Variants in L2HGDH observed in about 807,000 individuals in gnomAD.
L2HGDH encodes L-2-hydroxyglutarate dehydrogenase.
Under a neutral mutation model 51.5 loss-of-function variants are expected in L2HGDH, and 34 were observed. The observed-to-expected ratio is 0.66, with a 90% CI of 0.50 to 0.88. The LOEUF (loss-of-function observed/expected upper bound fraction) is 0.88. Ranked by LOEUF, L2HGDH falls within the 40% of genes least tolerant of loss-of-function variation. L2HGDH has a pLI of 0.00. For synonymous variants in L2HGDH, 198 were observed against 197.9 expected, an observed-to-expected ratio of 1.00 and a Z score of -0.01; for missense variants, 558 against 571.9, an observed-to-expected ratio of 0.98 and a Z score of 0.25.
intron 4 of L2HGDH, among the ~76,000 whole-genome samples, 183 bp downstream of exon 4, chr14:50,293,932 C>G (rs2029887590): frequency 6.6e-6 from 1 of 152,158 alleles, no homozygotes; most frequent in Non-Finnish European, 1.5e-5. Flanking sequence ...TATTTTCTCA[C>G]AGAGAAAGAA....
chr14:50,269,659 C>A (rs1044047279), intron 6 of L2HGDH, among the ~76,000 whole-genome samples: 1 of 152,132 alleles, frequency 6.6e-6, no homozygotes, highest in Non-Finnish European at 1.5e-5. Flanking sequence ...TAGGACCTAG[C>A]AGGGAGCTTC....
intron 9 of L2HGDH, 137 bp downstream of exon 9, chr14:50,265,221 G>T: frequency 1.4e-6 from 1 of 697,238 alleles, no homozygotes; most frequent in Non-Finnish European, 2.5e-6. Context: ...ACAACATGTT[G>T]GGAAAGAAAG....
At chr14:50,278,830 T>G (rs533242801) in intron 5 of L2HGDH, among the ~76,000 whole-genome samples, 1 of 152,340 alleles carries the variant, frequency 6.6e-6, no homozygotes, top group Non-Finnish European at 1.5e-5. Flanking sequence ...AGCTATTCTC[T>G]GAACTATAAT....
intron 8 of L2HGDH, among the ~76,000 whole-genome samples, chr14:50,266,973 C>A (rs1241802217): frequency 6.6e-6 from 1 of 152,000 alleles, no homozygotes; most frequent in African/African-American, 2.4e-5. Context: ...AGTAATTTCT[C>A]CAGTGGCTTA....
intron 5 of L2HGDH, 60 bp from the exon 6 acceptor site, chr14:50,278,614 T>C: frequency 5.7e-6 from 5 of 880,210 alleles, no homozygotes; most frequent in Non-Finnish European, 9.2e-6. Context: ...TTATTTGAAA[T>C]ATCATACTAG....
intron 1 of L2HGDH, 119 bp downstream of exon 1, chr14:50,311,892 G>A: frequency 1.4e-6 from 2 of 1,382,652 alleles, no homozygotes; most frequent in Non-Finnish European, 2.0e-6. Flanking sequence ...GAGTGCCACA[G>A]GACCCCAACC....
chr14:50,245,346 C>G lies in L2HGDH; in HGVS notation c.*1712G>C. The G allele has an allele frequency of 1.0e-6, 1 of 985,338 alleles. No homozygotes were observed. Among genetic ancestry groups the G allele is most frequent in the Non-Finnish European group, 1.2e-6 (1 of 829,900 alleles). The allele number at this position is 985,338 out of a possible 1,614,324, so 61.0% of individuals were successfully genotyped here. On this transcript the variant is annotated 3_prime_UTR_variant, in exon 10 of 10. Transcript: ENST00000267436. ...TAAAACTGCTCTCATAAAAATCTGT[C>G]TCTTCTAAGTTATTTCAGTTCTCAG...
intron 5 of L2HGDH, among the ~76,000 whole-genome samples, chr14:50,279,395 G>A (rs1038703098): frequency 6.6e-6 from 1 of 152,148 alleles, no homozygotes; most frequent in Non-Finnish European, 1.5e-5. Flanking sequence ...TGGGCATGAG[G>A]TGGGGGGAGT....
intron 5 of L2HGDH, among the ~76,000 whole-genome samples, chr14:50,279,173 C>G (rs144484384): frequency 6.6e-6 from 1 of 152,176 alleles, no homozygotes; most frequent in East Asian, 1.9e-4. Flanking sequence ...TTTTGCTCAT[C>G]ATCTTAGAAT....
intron 1 of L2HGDH, among the ~76,000 whole-genome samples, chr14:50,309,245 T>A (rs2030910504): frequency 6.6e-6 from 1 of 152,166 alleles, no homozygotes; most frequent in African/African-American, 2.4e-5. Flanking sequence ...TTTCTAAAAG[T>A]TTTATACTGA....
At position 50,302,196 on chromosome 14, in the gene L2HGDH, G is replaced by T. The variant is rs372819315; in HGVS notation, c.257-28C>A. 1.9e-6 allele frequency: 3 copies of T among 1,610,550 alleles called. No homozygotes were observed. The African/African-American group carries it at 4.0e-5, about 22-fold the overall frequency. On this transcript the variant is annotated intron_variant, in intron 2 of 9. Transcript: ENST00000267436. Reference sequence around the variant, plus strand: ...ACAGAACAAGAGAAACAGGGTAAGAGTAAGTACATGATTCATACAAAACAT... The same window carrying T: ...ACAGAACAAGAGAAACAGGGTAAGATTAAGTACATGATTCATACAAAACAT...
intron 7 of L2HGDH, among the ~76,000 whole-genome samples, chr14:50,268,932 G>C (rs906379689): frequency 2.0e-5 from 3 of 152,078 alleles, no homozygotes; most frequent in African/African-American, 7.2e-5. Flanking sequence ...TTCCCAGAGT[G>C]CACTCATGCT....
chr14:50,278,478 A>AG, intron 6 of L2HGDH, 42 bp downstream of exon 6: 1 of 1,296,426 alleles, frequency 7.7e-7, no homozygotes, highest in Non-Finnish European at 1.1e-6. Context: ...AATAAAGGGG[A>AG]GGGAAAGAAA....
rs1007522369 is a variant in L2HGDH at position 50,245,651 on chromosome 14, T to C, written c.*1407A>G. Reference sequence around the variant, plus strand: ...TTGTGACTCTTCAAAATTAAAAGAATGTAACCTACAATATAATGTATTTTC... The same window carrying C: ...TTGTGACTCTTCAAAATTAAAAGAACGTAACCTACAATATAATGTATTTTC... On this transcript the variant is annotated 3_prime_UTR_variant, in exon 10 of 10. Coordinates refer to ENST00000267436, the MANE Select transcript of L2HGDH (RefSeq NM_024884.3). 13 of 982,216 alleles carry C rather than the reference T, an allele frequency of 1.3e-5. No homozygotes were observed. Among genetic ancestry groups the C allele is most frequent in the Middle Eastern group, 5.2e-4 (1 of 1,932 alleles). The allele number at this position is 982,216 out of a possible 1,614,324, so 60.8% of individuals were successfully genotyped here.
intron 1 of L2HGDH, among the ~76,000 whole-genome samples, chr14:50,304,271 T>C (rs566171316): frequency 6.6e-6 from 1 of 152,356 alleles, no homozygotes; most frequent in Non-Finnish European, 1.5e-5. Context: ...CAGTCTGTGG[T>C]TGACCAAAAT....
chr14:50,247,917 T>A (rs182406902), intron 9 of L2HGDH, among the ~76,000 whole-genome samples: 1 of 151,988 alleles, frequency 6.6e-6, no homozygotes, highest in Admixed American at 6.5e-5. Context: ...ATTGAGATAG[T>A]CTTGATCTGT....
In L2HGDH at chr14:50,244,043, T is replaced by A. The variant is rs1887902917; in HGVS notation, c.*3015A>T. The A allele has an allele frequency of 2.0e-5, 3 of 151,588 alleles. No homozygotes were observed. The highest frequency in any genetic ancestry group is 2.0e-4 in the Admixed American group (3 of 15,196). The allele number at this position is 151,588 out of a possible 1,614,324, so 9.4% of individuals were successfully genotyped here. A position where few individuals can be genotyped will look rare whatever the true frequency, so the allele number is the denominator to read the frequency against. On this transcript the variant is annotated 3_prime_UTR_variant, in exon 10 of 10. Coordinates refer to ENST00000267436, the MANE Select transcript of L2HGDH (RefSeq NM_024884.3). ...TTTTTTATGGCTGCATAGTATTCCATGGTGTATATGTGCCACATTTTCTTA... is the reference window on the plus strand; with the variant it reads ...TTTTTTATGGCTGCATAGTATTCCAAGGTGTATATGTGCCACATTTTCTTA...
intron 9 of L2HGDH, 151 bp downstream of exon 9, chr14:50,265,207 T>A: frequency 1.5e-6 from 1 of 655,864 alleles, no homozygotes; most frequent in East Asian, 2.8e-5. Flanking sequence ...GCAAAGGGAA[T>A]TCAACAACAT....
At chr14:50,301,123 C>A (rs1211553757) in intron 3 of L2HGDH, among the ~76,000 whole-genome samples, 1 of 152,154 alleles carries the variant, frequency 6.6e-6, no homozygotes, top group Non-Finnish European at 1.5e-5. Flanking sequence ...TAGGGAACTG[C>A]AAATCAAAAC....
Sources: allele counts gnomAD v4.1 joint callset (sites outside exome capture counted in the v4.1 genomes callset), GRCh38; gene constraint gnomAD v4.1.1; transcripts MANE v1.5; gene names NCBI Gene and HGNC (gene_info 2026-07-23, HGNC 2026-07-21).